USP43: variants seen among roughly 807,000 people sequenced by gnomAD.
The protein encoded by USP43 is ubiquitin specific peptidase 43, also known as ubiquitin carboxyl-terminal hydrolase 43.
USP43 carries 33 observed loss-of-function variants against 90.7 expected under a neutral mutation model. That is an observed-to-expected ratio of 0.36 (90% CI 0.28 to 0.49). The LOEUF (loss-of-function observed/expected upper bound fraction) is 0.49. USP43 is among the 20% of genes least tolerant of loss of function. The probability of loss-of-function intolerance (pLI) is 0.98; values close to 1 mark genes in which losing one functional copy is unlikely to be tolerated. For synonymous variants in USP43, 598 were observed against 615.8 expected (o/e 0.97, Z 0.43); for missense variants, 1,274 against 1,476.4 (o/e 0.86, Z 2.25).
chr17:9,688,615 C>T (rs1252547956), intron 8 of USP43, among the ~76,000 whole-genome samples: 3 of 152,140 alleles, frequency 2.0e-5, no homozygotes, highest in Admixed American at 1.3e-4. Context: ...TCCCAAAGTG[C>T]TGGGATTACA....
intron 2 of USP43, among the ~76,000 whole-genome samples, chr17:9,657,140 T>G (rs1912313656): frequency 1.3e-5 from 2 of 152,208 alleles, no homozygotes; most frequent in South Asian, 4.1e-4. Context: ...TCCTTTATCT[T>G]GTACTTAAGA....
At chr17:9,702,601 T>C (rs1040810534) in intron 12 of USP43, among the ~76,000 whole-genome samples, 1 of 152,184 alleles carries the variant, frequency 6.6e-6, no homozygotes, top group Admixed American at 6.5e-5. Flanking sequence ...TCTCAATCGT[T>C]CATAATCATC....
chr17:9,652,536 T>C lies in USP43; in HGVS notation c.505-3867T>C, dbSNP rs188140643. On this transcript the variant is annotated intron_variant, in intron 1 of 14. Coordinates refer to ENST00000285199, the MANE Select transcript of USP43 (RefSeq NM_153210.5). ...GCCACCACGTCCGGCTAATTTTTTG[T>C]ATTTTTAGTAGAGACGGGGTTTCAC... Among the ~76,000 whole-genome samples, 463 of 152,168 alleles carry C rather than the reference T, an allele frequency of 3.0e-3. 1 individual carries two copies. Among genetic ancestry groups the C allele is most frequent in the South Asian group, 7.5e-3 (36 of 4,810 alleles).
rs538571456 is a variant in USP43, at chr17:9,721,988, A to T, written c.2336-5966A>T. Among the ~76,000 whole-genome samples the T allele has an allele frequency of 4.0e-5, 6 of 151,114 alleles. No homozygotes were observed. The East Asian group carries it at 7.8e-4, about 20-fold the overall frequency. On this transcript the variant is annotated intron_variant, in intron 14 of 14. Coordinates refer to ENST00000285199, the MANE Select transcript of USP43 (RefSeq NM_153210.5). ...ACTCCTCAGGTGATCCACCTGCCTC[A>T]GCCTCCCACAATGCTGGGATTACAG...
chr17:9,694,043 C>T (rs530782226), intron 9 of USP43, among the ~76,000 whole-genome samples: 17 of 152,290 alleles, frequency 1.1e-4, no homozygotes, highest in African/African-American at 4.8e-5. Flanking sequence ...CCTTCTGGTG[C>T]GTGTGCCCTT....
chr17:9,714,549 GGC>G, intron 14 of USP43, among the ~76,000 whole-genome samples: 2 of 152,040 alleles, frequency 1.3e-5, no homozygotes, highest in East Asian at 1.9e-4. Flanking sequence ...TGGGCATGGT[GGC>G]GCACGCCTGT....
chr17:9,673,869 A>G (rs1272319032), intron 3 of USP43, among the ~76,000 whole-genome samples: 2 of 152,136 alleles, frequency 1.3e-5, no homozygotes, highest in African/African-American at 2.4e-5. Flanking sequence ...TGCTATTTCC[A>G]TGTTAGTTAT....
intron 1 of USP43, among the ~76,000 whole-genome samples, chr17:9,654,176 A>G (rs1912071391): frequency 6.6e-6 from 1 of 152,200 alleles, no homozygotes; most frequent in Non-Finnish European, 1.5e-5. Context: ...CTGACTTTTA[A>G]TTGCAGATAA....
intron 5 of USP43, among the ~76,000 whole-genome samples, chr17:9,677,230 A>G (rs1263974274): frequency 1.3e-5 from 2 of 152,220 alleles, no homozygotes; most frequent in Non-Finnish European, 2.9e-5. Context: ...CCTGTGAAGT[A>G]GACATTACAA....
At chr17:9,681,609 T>C (rs1914295409) in intron 6 of USP43, among the ~76,000 whole-genome samples, 1 of 148,706 alleles carries the variant, frequency 6.7e-6, no homozygotes, top group Non-Finnish European at 1.5e-5. Context: ...TTCTCCTGCC[T>C]CAGCCTCCCA....
At chr17:9,657,605 G>C (rs898449764) in intron 2 of USP43, among the ~76,000 whole-genome samples, 4 of 152,110 alleles carry the variant, frequency 2.6e-5, no homozygotes, top group Admixed American at 6.5e-5. Context: ...GGAGGCCTCA[G>C]GAAACTTACA....
chr17:9,712,597 G>A (rs999124188), intron 14 of USP43, among the ~76,000 whole-genome samples: 3 of 152,142 alleles, frequency 2.0e-5, no homozygotes, highest in African/African-American at 7.2e-5. Context: ...GCCCTCCAGG[G>A]TGAAGGCTGG....
intron 3 of USP43, among the ~76,000 whole-genome samples, chr17:9,667,198 CA>C (rs111395068): frequency 1.1e-4 from 16 of 146,692 alleles, no homozygotes; most frequent in Non-Finnish European, 2.1e-4. Context: ...CCATCTGTAC[CA>C]AAAAAAACCA....
intron 7 of USP43, among the ~76,000 whole-genome samples, chr17:9,683,210 G>A (rs1244223865): frequency 6.6e-6 from 1 of 152,120 alleles, no homozygotes; most frequent in African/African-American, 2.4e-5. Context: ...CTTCACCACT[G>A]TTATTTTATA....
Position 9,646,086 on chromosome 17 carries a change from C to T in USP43, c.454C>T (p.Arg152Cys). The T allele has an allele frequency of 6.6e-7, 1 of 1,505,226 alleles. No individual in the cohort carries two copies. The highest frequency in any genetic ancestry group is 8.9e-7 in the Non-Finnish European group (1 of 1,127,586). The allele number at this position is 1,505,226 out of a possible 1,614,324, so 93.2% of individuals were successfully genotyped here. A position where few individuals can be genotyped will look rare whatever the true frequency, so the allele number is the denominator to read the frequency against. The change falls in exon 1 of 15, where the codon CGC becomes TGC. Residue 152 changes from arginine to cysteine, a missense_variant. By Grantham distance (180) the Arg-to-Cys change is radical (BLOSUM62 -3). Coordinates refer to ENST00000285199, the MANE Select transcript of USP43 (RefSeq NM_153210.5). ...EVTEQLAALV[R>C]ALWTREYTPQ... The stretch of plus-strand genomic sequence containing the variant: ...CACCGAGCAGCTGGCGGCGCTGGTG[C>T]GCGCGCTCTGGACTCGCGAATACAC...
intron 1 of USP43, among the ~76,000 whole-genome samples, chr17:9,656,048 G>A (rs1912217826): frequency 6.6e-6 from 1 of 152,254 alleles, no homozygotes; most frequent in East Asian, 1.9e-4. Flanking sequence ...AAGATTAGTG[G>A]AGCATCATAC....
At chr17:9,678,142 T>A (rs535703635) in intron 5 of USP43, among the ~76,000 whole-genome samples, 11 of 152,196 alleles carry the variant, frequency 7.2e-5, no homozygotes, top group Admixed American at 5.9e-4. Context: ...AGGGAGCGTT[T>A]GAATAATTAA....
At chr17:9,706,630 A>ATTT (rs1915890451) in intron 12 of USP43, among the ~76,000 whole-genome samples, 1 of 122,372 alleles carries the variant, frequency 8.2e-6, no homozygotes, top group Non-Finnish European at 1.7e-5. Context: ...ATCAGATATT[A>ATTT]ATTTTTTTTT....
chr17:9,695,719 T>C (rs1010960217), intron 9 of USP43, among the ~76,000 whole-genome samples: 4 of 152,156 alleles, frequency 2.6e-5, no homozygotes, highest in South Asian at 2.1e-4. Flanking sequence ...ACCATCCATC[T>C]CCAAAAATCT....
Sources: gnomAD v4.1 joint callset for allele counts (sites outside exome capture counted in the v4.1 genomes callset) on GRCh38, gnomAD v4.1.1 for gene constraint, MANE v1.5 for transcripts, NCBI Gene and HGNC (gene_info 2026-07-23, HGNC 2026-07-21) for gene names.